ANO4: variants seen among roughly 807,000 people sequenced by gnomAD.
ANO4 encodes anoctamin-4.
A neutral mutation model predicts 141.9 loss-of-function variants in ANO4; 69 were observed. That is an observed-to-expected ratio of 0.49 (90% CI 0.40 to 0.59). The LOEUF (loss-of-function observed/expected upper bound fraction) is 0.59, where lower values mean the gene tolerates loss of function less well. Among genes scored for constraint, ANO4 ranks in the 20% least tolerant of loss-of-function variants. The pLI is 0.00. For synonymous variants in ANO4, 350 were observed against 394.3 expected (o/e 0.89, Z 1.33); for missense variants, 894 against 1,162.2 (o/e 0.77, Z 3.36).
At chr12:100,907,583 G>C (rs192255658) in intron 2 of ANO4, among the ~76,000 whole-genome samples, 2 of 152,252 alleles carry the variant, frequency 1.3e-5, no homozygotes, top group Admixed American at 1.3e-4. Context: ...GTCCCTAGTA[G>C]GTTCTTAATA....
At chr12:101,112,509 A>G (rs1021959624) in intron 24 of ANO4, among the ~76,000 whole-genome samples, 3 of 152,222 alleles carry the variant, frequency 2.0e-5, no homozygotes, top group Non-Finnish European at 2.9e-5. Context: ...TTTGATGTCT[A>G]TAGGTCAGAG....
At chr12:100,951,255 C>T (rs11611721) in intron 5 of ANO4, among the ~76,000 whole-genome samples, 8,280 of 152,248 alleles carry the variant, frequency 0.054, 327 homozygotes, top group Middle Eastern at 0.2. Context: ...TCAGTTCAAT[C>T]ACTGTGGAAA....
At chr12:100,874,032 C>T (rs551032303) in intron 1 of ANO4, among the ~76,000 whole-genome samples, 1 of 152,212 alleles carries the variant, frequency 6.6e-6, no homozygotes, top group East Asian at 1.9e-4. Flanking sequence ...AAGGTGCCAG[C>T]CATAAGCGTT....
chr12:101,086,671 G>C lies in ANO4; in HGVS notation c.1548G>C (p.Val516=). The C allele has an allele frequency of 5.6e-6, 9 of 1,613,652 alleles. No individual in the cohort carries two copies. Among genetic ancestry groups the C allele is most frequent in the Non-Finnish European group, 7.6e-6 (9 of 1,179,766 alleles). Residue 516 remains valine (V), a synonymous_variant, in exon 17 of 28, where the codon GTG becomes GTC. Transcript: ENST00000392977. ...TGTCTTCCTGCCAGATCTGCGTGGT[G>C]ATTGCTGCCGTGTTCGGGATCGTCA... The part of the protein sequence containing the change: ...ASGIFFMICV[V]IAAVFGIVIY...
At chr12:100,835,214 G>A (rs1008118355) in intron 1 of ANO4, among the ~76,000 whole-genome samples, 46 of 152,152 alleles carry the variant, frequency 3.0e-4, no homozygotes, top group African/African-American at 1.1e-3. Flanking sequence ...CTCTTTGAGG[G>A]AGTGATGTAT....
chr12:100,998,236 T>A (rs1357893199), intron 8 of ANO4, among the ~76,000 whole-genome samples: 1 of 152,168 alleles, frequency 6.6e-6, no homozygotes, highest in African/African-American at 2.4e-5. Flanking sequence ...CTCCCTCCCG[T>A]GCTGGATGCT....
At chr12:100,897,570 G>A (rs1307917904) in intron 1 of ANO4, among the ~76,000 whole-genome samples, 3 of 152,196 alleles carry the variant, frequency 2.0e-5, no homozygotes, top group Admixed American at 6.5e-5. Context: ...GAAGGAATCC[G>A]AAAACTGCAC....
chr12:101,098,882 G>T (rs1231263699), intron 21 of ANO4, among the ~76,000 whole-genome samples: 1 of 151,864 alleles, frequency 6.6e-6, no homozygotes, highest in Non-Finnish European at 1.5e-5. Flanking sequence ...TTGTTTTTTG[G>T]CCCTTCTACT....
intron 14 of ANO4, among the ~76,000 whole-genome samples, chr12:101,053,472 G>A (rs898298282): frequency 6.6e-6 from 1 of 152,188 alleles, no homozygotes; most frequent in African/African-American, 2.4e-5. Context: ...AAATCAAGGT[G>A]TCAGTGGGAT....
At chr12:101,054,258 G>A (rs1041125294) in intron 14 of ANO4, among the ~76,000 whole-genome samples, 1 of 152,060 alleles carries the variant, frequency 6.6e-6, no homozygotes, top group African/African-American at 2.4e-5. Flanking sequence ...TTAAAGTAGG[G>A]TATAAAGTAT....
At chr12:100,878,621 C>CT (rs1234413877) in intron 1 of ANO4, among the ~76,000 whole-genome samples, 1 of 152,156 alleles carries the variant, frequency 6.6e-6, no homozygotes, top group Non-Finnish European at 1.5e-5. Context: ...CTGTATATAA[C>CT]TTTTTCCTGA....
intron 1 of ANO4, among the ~76,000 whole-genome samples, chr12:100,836,451 C>G (rs1003979226): frequency 6.6e-6 from 1 of 151,756 alleles, no homozygotes; most frequent in Non-Finnish European, 1.5e-5. Context: ...ATTAACTCGT[C>G]ATTTACATTA....
In ANO4 at chr12:100,856,184, C is replaced by T. The variant is rs571027921; in HGVS notation, c.-140-45462C>T. On this transcript the variant is annotated intron_variant, in intron 1 of 27. Transcript: ENST00000392977. ...TTGTAGGAGACTTGAAGTACTTTGCCGAAGGATTTTGGTTATAATCAGCCA... is the reference window on the plus strand; with the variant it reads ...TTGTAGGAGACTTGAAGTACTTTGCTGAAGGATTTTGGTTATAATCAGCCA... Among the ~76,000 whole-genome samples the T allele has an allele frequency of 2.9e-4, 44 of 152,144 alleles. No homozygotes were observed. In the South Asian group the frequency reaches 4.6e-3, roughly 16 times the overall value.
At chr12:100,768,303 G>A (rs1233001157) in intron 3 of ANO4, among the ~76,000 whole-genome samples, 5 of 152,176 alleles carry the variant, frequency 3.3e-5, no homozygotes, top group African/African-American at 1.2e-4. Context: ...CTTGGGAGAA[G>A]GATGACATGG....
At chr12:101,095,667 A>G (rs2049952596) in intron 18 of ANO4, among the ~76,000 whole-genome samples, 4 of 152,224 alleles carry the variant, frequency 2.6e-5, no homozygotes, top group South Asian at 4.1e-4. Flanking sequence ...AATTGATTAA[A>G]TGAAGTATTA....
chr12:100,947,777 C>T (rs1395453151), intron 5 of ANO4, among the ~76,000 whole-genome samples: 1 of 152,074 alleles, frequency 6.6e-6, no homozygotes, highest in East Asian at 1.9e-4. Context: ...GTAACTTGCC[C>T]CAGACAACAT....
At chr12:100,894,566 A>G (rs997222432) in intron 1 of ANO4, among the ~76,000 whole-genome samples, 2 of 152,084 alleles carry the variant, frequency 1.3e-5, no homozygotes, top group Non-Finnish European at 2.9e-5. Flanking sequence ...TACCTAAGCT[A>G]ATGACACATG....
intron 8 of ANO4, among the ~76,000 whole-genome samples, chr12:101,012,431 G>C (rs1194049462): frequency 6.6e-6 from 1 of 152,164 alleles, no homozygotes; most frequent in African/African-American, 2.4e-5. Context: ...GGATGATGAA[G>C]AGGTGACATT....
chr12:100,953,162 A>G (rs549931833), intron 5 of ANO4, among the ~76,000 whole-genome samples: 17 of 152,252 alleles, frequency 1.1e-4, no homozygotes, highest in Non-Finnish European at 2.2e-4. Context: ...TATTATATTT[A>G]TGAAAGGAAT....
Sources: gnomAD v4.1 joint callset for allele counts (sites outside exome capture counted in the v4.1 genomes callset) on GRCh38, gnomAD v4.1.1 for gene constraint, MANE v1.5 for transcripts, NCBI Gene and HGNC (gene_info 2026-07-23, HGNC 2026-07-21) for gene names.